Variants in TMEM132D observed in about 807,000 individuals in gnomAD.
The protein encoded by TMEM132D is mature OL transmembrane protein.
A neutral mutation model predicts 62.3 loss-of-function variants in TMEM132D; 21 were observed. The ratio of observed to expected loss-of-function variants is 0.34; its 90% CI spans 0.24 to 0.49. The LOEUF is 0.49. Ranked by LOEUF, TMEM132D falls within the 20% of genes least tolerant of loss-of-function variation. The pLI is 0.99. For synonymous variants in TMEM132D, 621 were observed against 575.6 expected (o/e 1.08, Z -1.13); for missense variants, 1,346 against 1,402.8 (o/e 0.96, Z 0.65).
chr12:129,386,301 T>C (rs1410957287), intron 3 of TMEM132D, among the ~76,000 whole-genome samples: 2 of 152,122 alleles, frequency 1.3e-5, no homozygotes, highest in Non-Finnish European at 2.9e-5. Flanking sequence ...CTAACACTAA[T>C]GCTAATGCCA....
At chr12:129,245,557 T>TA (rs1216342076) in intron 4 of TMEM132D, among the ~76,000 whole-genome samples, 1 of 151,906 alleles carries the variant, frequency 6.6e-6, no homozygotes, top group Non-Finnish European at 1.5e-5. Flanking sequence ...ATTAGAACTT[T>TA]TTTTTTTTTT....
intron 3 of TMEM132D, among the ~76,000 whole-genome samples, chr12:129,526,203 T>C (rs1876031038): frequency 6.6e-6 from 1 of 152,150 alleles, no homozygotes; most frequent in Non-Finnish European, 1.5e-5. Context: ...CATCATCCTA[T>C]GGAAATCCCA....
chr12:129,430,816 A>G (rs1232966983), intron 3 of TMEM132D, among the ~76,000 whole-genome samples: 1 of 152,220 alleles, frequency 6.6e-6, no homozygotes, highest in Admixed American at 6.5e-5. Context: ...GGAGGCTTAC[A>G]GAAAGAAAAA....
At chr12:129,618,993 C>G (rs893348310) in intron 2 of TMEM132D, among the ~76,000 whole-genome samples, 2 of 152,138 alleles carry the variant, frequency 1.3e-5, no homozygotes, top group African/African-American at 2.4e-5. Flanking sequence ...TTGTTATCAG[C>G]AGAAAGGAAT....
chr12:129,355,840 C>T (rs950417580), intron 3 of TMEM132D, among the ~76,000 whole-genome samples: 1 of 152,174 alleles, frequency 6.6e-6, no homozygotes, highest in Non-Finnish European at 1.5e-5. Context: ...CCTAAAGTGC[C>T]TGAGAGTTCC....
Position 129,568,502 on chromosome 12 carries a change from A to C in TMEM132D, c.969-37297T>G, listed in dbSNP as rs377518139. Among the ~76,000 whole-genome samples, 21 of 152,224 alleles carry C rather than the reference A, an allele frequency of 1.4e-4. 2 individuals are homozygous for C. The highest frequency in any genetic ancestry group is 9.8e-4 in the Admixed American group (15 of 15,284). Reference sequence around the variant, plus strand: ...TTGGGAATTATCTTTTATTATATCAACAGCATTATATGTGAATGCATCTGT... The same window carrying C: ...TTGGGAATTATCTTTTATTATATCACCAGCATTATATGTGAATGCATCTGT... On this transcript the variant is annotated intron_variant, in intron 2 of 8. Coordinates refer to ENST00000422113, the MANE Select transcript of TMEM132D (RefSeq NM_133448.3).
chr12:129,550,503 T>G (rs1876863556), intron 2 of TMEM132D, among the ~76,000 whole-genome samples: 2 of 152,210 alleles, frequency 1.3e-5, no homozygotes, highest in Admixed American at 1.3e-4. Context: ...ACATTGCATC[T>G]TGGCACTTAG....
chr12:129,830,297 C>G (rs1872790589), intron 1 of TMEM132D, among the ~76,000 whole-genome samples: 1 of 152,154 alleles, frequency 6.6e-6, no homozygotes, highest in Non-Finnish European at 1.5e-5. Context: ...ACTCATATAT[C>G]ATCCAGAAGA....
intron 1 of TMEM132D, among the ~76,000 whole-genome samples, chr12:129,730,878 G>C (rs1392024930): frequency 3.9e-5 from 6 of 152,022 alleles, no homozygotes; most frequent in Admixed American, 1.3e-4. Context: ...TTCAACCACA[G>C]ACTGAAGGCT....
intron 5 of TMEM132D, among the ~76,000 whole-genome samples, chr12:129,098,637 G>A (rs974004290): frequency 1.1e-4 from 17 of 152,130 alleles, no homozygotes; most frequent in African/African-American, 3.6e-4. Context: ...GGAGGTGAAC[G>A]TATGTGGTAG....
At chr12:129,408,902 G>T (rs912897704) in intron 3 of TMEM132D, among the ~76,000 whole-genome samples, 3 of 148,888 alleles carry the variant, frequency 2.0e-5, no homozygotes, top group African/African-American at 7.4e-5. Context: ...AAAGAGAGAA[G>T]TTCTCTCTGT....
At chr12:129,454,836 T>C (rs7959926) in intron 3 of TMEM132D, among the ~76,000 whole-genome samples, 95,958 of 152,068 alleles carry the variant, frequency 0.63, 30,239 homozygotes, top group South Asian at 0.7. Flanking sequence ...CAATCCAAGA[T>C]GGCAGGCAGT....
chr12:129,208,469 C>T (rs1878922343), intron 5 of TMEM132D: 1 of 152,470 alleles, frequency 6.6e-6, no homozygotes. Flanking sequence ...GGACGTCCAT[C>T]TCATTTATGT....
intron 3 of TMEM132D, among the ~76,000 whole-genome samples, chr12:129,476,767 C>T (rs1239837217): frequency 6.6e-6 from 1 of 152,198 alleles, no homozygotes; most frequent in Non-Finnish European, 1.5e-5. Flanking sequence ...GCTTGACAAT[C>T]TCCTGGCAGA....
chr12:129,217,041 G>A (rs1879225322), intron 4 of TMEM132D, among the ~76,000 whole-genome samples: 1 of 152,068 alleles, frequency 6.6e-6, no homozygotes. Flanking sequence ...AGTTATTACA[G>A]CCTCTTTAGA....
chr12:129,222,187 G>A (rs1879366223), intron 4 of TMEM132D, among the ~76,000 whole-genome samples: 1 of 152,172 alleles, frequency 6.6e-6, no homozygotes, highest in South Asian at 2.1e-4. Context: ...GATCCCACAT[G>A]AGGCTGGGCA....
At chr12:129,316,596 G>A (rs577404495) in intron 4 of TMEM132D, among the ~76,000 whole-genome samples, 31 of 152,202 alleles carry the variant, frequency 2.0e-4, no homozygotes, top group African/African-American at 5.3e-4. Flanking sequence ...AGTTCCATGC[G>A]CTGTTGAATA....
At chr12:129,306,827 C>T (rs916151585) in intron 4 of TMEM132D, among the ~76,000 whole-genome samples, 1 of 152,096 alleles carries the variant, frequency 6.6e-6, no homozygotes, top group Non-Finnish European at 1.5e-5. Flanking sequence ...CAAATCTAGA[C>T]AACAATGAGA....
Position 129,342,031 on chromosome 12 carries a change from T to C in TMEM132D, c.1116-4214A>G, listed in dbSNP as rs557097674. 3.5e-4 allele frequency among the ~76,000 whole-genome samples: 54 copies of C among 152,290 alleles called. No homozygotes were observed. In the East Asian group the frequency reaches 8.1e-3, roughly 23 times the overall value. On this transcript the variant is annotated intron_variant, in intron 3 of 8. Transcript: ENST00000422113. ...TCATTTACAGATTCAATGCCATCCC[T>C]ATCAAGCTACCAATGACTTTCTTCA...
Sources: gnomAD v4.1 joint callset for allele counts (sites outside exome capture counted in the v4.1 genomes callset) on GRCh38, gnomAD v4.1.1 for gene constraint, MANE v1.5 for transcripts, NCBI Gene and HGNC (gene_info 2026-07-23, HGNC 2026-07-21) for gene names.